The following TMEM132B variants were observed in gnomAD, a reference collection of about 807,000 sequenced individuals.
The protein encoded by TMEM132B is transmembrane protein 132B.
Under a neutral mutation model 90.8 loss-of-function variants are expected in TMEM132B, and 18 were observed. The observed-to-expected ratio is 0.20, with a 90% CI of 0.14 to 0.29. The LOEUF is 0.29. Ranked by LOEUF, TMEM132B falls within the 10% of genes least tolerant of loss-of-function variation. The pLI is 1.00. For missense variants in TMEM132B, 1,096 were observed against 1,326.8 expected (o/e 0.83, Z 2.70); for synonymous variants, 504 against 523.3 (o/e 0.96, Z 0.50).
At chr12:125,435,489 C>A (rs1880673895) in intron 3 of TMEM132B, among the ~76,000 whole-genome samples, 1 of 152,158 alleles carries the variant, frequency 6.6e-6, no homozygotes. Context: ...GACATACCAG[C>A]CCCAGCATCC....
intron 3 of TMEM132B, among the ~76,000 whole-genome samples, chr12:125,519,086 G>A (rs573155918): frequency 2.6e-5 from 4 of 152,324 alleles, no homozygotes. Context: ...AATGGCTTGG[G>A]GGCCTTTCCT....
chr12:125,651,502 A>G (rs1257489454), intron 7 of TMEM132B, among the ~76,000 whole-genome samples: 1 of 152,258 alleles, frequency 6.6e-6, no homozygotes, highest in African/African-American at 2.4e-5. Flanking sequence ...TACAAACTTA[A>G]AATGTTTCCG....
chr12:125,310,450 C>T (rs574156430), intron 1 of TMEM132B, among the ~76,000 whole-genome samples: 1 of 152,318 alleles, frequency 6.6e-6, no homozygotes, highest in South Asian at 2.1e-4. Context: ...TCCCATTTTA[C>T]AGTTGAGGAA....
chr12:125,295,534 G>GAGAGAC (rs1555237232), intron 1 of TMEM132B, among the ~76,000 whole-genome samples: 16 of 124,910 alleles, frequency 1.3e-4, no homozygotes, highest in Admixed American at 2.3e-4. Flanking sequence ...GAGAGAGAGA[G>GAGAGAC]AGAGAGAGAC....
At chr12:125,225,496 GT>G (rs1873658689) in intron 1 of TMEM132B, among the ~76,000 whole-genome samples, 1 of 152,200 alleles carries the variant, frequency 6.6e-6, no homozygotes, top group South Asian at 2.1e-4. Flanking sequence ...ATTTCTGGCT[GT>G]GCTATGCCTT....
At chr12:125,291,033 C>T (rs1055922709) in intron 1 of TMEM132B, among the ~76,000 whole-genome samples, 2 of 152,184 alleles carry the variant, frequency 1.3e-5, no homozygotes, top group African/African-American at 4.8e-5. Flanking sequence ...CCAGCCAATT[C>T]ATACGTTGAA....
chr12:125,222,309 A>G lies in TMEM132B; in HGVS notation c.67+35443A>G, dbSNP rs551901504. On this transcript the variant is annotated intron_variant, in intron 1 of 8. Transcript: ENST00000682704. The stretch of plus-strand genomic sequence containing the variant: ...AGGCAGCAAACAGAAATAAATCAGT[A>G]TAATAAGATTAAAATGATTAAGACA... Among the ~76,000 whole-genome samples the G allele has an allele frequency of 2.6e-5, 4 of 152,336 alleles. No individual in the cohort carries two copies. The East Asian group carries it at 7.7e-4, about 29-fold the overall frequency.
At chr12:125,335,284 G>A (rs867530652) in intron 1 of TMEM132B, among the ~76,000 whole-genome samples, 4 of 152,198 alleles carry the variant, frequency 2.6e-5, no homozygotes, top group South Asian at 2.1e-4. Flanking sequence ...GAAAAATAGA[G>A]ATTTTTTGTT....
intron 1 of TMEM132B, among the ~76,000 whole-genome samples, chr12:125,193,430 A>C (rs1355757532): frequency 6.6e-6 from 1 of 152,220 alleles, no homozygotes; most frequent in Non-Finnish European, 1.5e-5. Context: ...GTTCTAGGGC[A>C]GGTTGGGTGA....
chr12:125,496,890 T>A (rs1474938361), intron 3 of TMEM132B, among the ~76,000 whole-genome samples: 2 of 152,226 alleles, frequency 1.3e-5, no homozygotes, highest in African/African-American at 2.4e-5. Context: ...GTTTCAGTGC[T>A]TTTCATAACA....
chr12:125,644,132 G>A lies in TMEM132B; in HGVS notation c.1494G>A (p.Val498=), dbSNP rs1384091993. The A allele has an allele frequency of 6.2e-7, 1 of 1,614,208 alleles. No homozygotes were observed. The highest frequency in any genetic ancestry group is 1.7e-5 in the Admixed American group (1 of 60,028). ...FVNGKEMKSK[V]DTIVNFTHQH... ...ATGGGAAGGAAATGAAGAGCAAAGT[G>A]GACACGATTGTGAACTTCACCCACC... Residue 498 remains valine, a synonymous_variant, in exon 6 of 9, where the codon GTG becomes GTA. Coordinates refer to ENST00000682704, the MANE Select transcript of TMEM132B (RefSeq NM_001366854.1).
At position 125,415,808 on chromosome 12, in the gene TMEM132B, C is replaced by T. The variant is rs927327371; in HGVS notation, c.1106+131C>T. On this transcript the variant is annotated intron_variant, in intron 3 of 8. Transcript: ENST00000682704. This position sits in a 1 kb window ranked among gnomAD's most constrained non-coding sequence, Gnocchi z 5.3. ...TTTAATGAGAAATGATTTTTGAGGT[C>T]GGCAGTCTCAAAAATCACCAGAGTT... 1.1e-5 allele frequency: 14 copies of T among 1,225,138 alleles called. No individual in the cohort carries two copies. The highest frequency in any genetic ancestry group is 8.5e-5 in the East Asian group (3 of 35,398). 75.9% of individuals were successfully genotyped at this position (1,225,138 alleles called of 1,614,324 possible).
Position 125,408,960 on chromosome 12 carries a change from T to C in TMEM132B, c.960-6571T>C, listed in dbSNP as rs1443361486. On this transcript the variant is annotated intron_variant, in intron 2 of 8. Coordinates refer to ENST00000682704, the MANE Select transcript of TMEM132B (RefSeq NM_001366854.1). This position sits in a 1 kb window ranked among gnomAD's most constrained non-coding sequence, Gnocchi z 5.9. The stretch of plus-strand genomic sequence containing the variant: ...TACTGCACAAGGGGATACACCAGAG[T>C]GGATTGTTAATAATAATAGTGATAA... Among the ~76,000 whole-genome samples, 1 of 152,082 alleles carries C rather than the reference T, an allele frequency of 6.6e-6. No homozygotes were observed. The highest frequency in any genetic ancestry group is 6.5e-5 in the Admixed American group (1 of 15,272).
At chr12:125,218,168 G>GCCT (rs1873480757) in intron 1 of TMEM132B, among the ~76,000 whole-genome samples, 1 of 152,128 alleles carries the variant, frequency 6.6e-6, no homozygotes, top group African/African-American at 2.4e-5. Context: ...GGGGAGTTGG[G>GCCT]TACCTTCTGG....
At chr12:125,562,734 T>G (rs919075291) in intron 4 of TMEM132B, among the ~76,000 whole-genome samples, 3 of 152,264 alleles carry the variant, frequency 2.0e-5, no homozygotes, top group South Asian at 2.1e-4. Flanking sequence ...TCTCATGAGA[T>G]CTGATGGTTC....
At chr12:125,553,821 A>G (rs1314033715) in intron 4 of TMEM132B, among the ~76,000 whole-genome samples, 3 of 152,236 alleles carry the variant, frequency 2.0e-5, no homozygotes, top group Non-Finnish European at 2.9e-5. Flanking sequence ...AGGCAACAGC[A>G]TCCAAATGTA....
intron 3 of TMEM132B, among the ~76,000 whole-genome samples, chr12:125,454,785 A>C (rs1881248128): frequency 6.6e-6 from 1 of 152,230 alleles, no homozygotes; most frequent in Non-Finnish European, 1.5e-5. Flanking sequence ...AGTGGATATG[A>C]TGCCTCGCTT....
chr12:125,238,388 C>CAAAAAAAAAAAAAG (rs1259157470), intron 1 of TMEM132B, among the ~76,000 whole-genome samples: 1 of 105,220 alleles, frequency 9.5e-6, no homozygotes, highest in Non-Finnish European at 2.0e-5. Flanking sequence ...AAAAAAAAAC[C>CAAAAAAAAAAAAAG]AAAAAAACAA....
intron 4 of TMEM132B, among the ~76,000 whole-genome samples, chr12:125,528,491 A>C (rs1194243185): frequency 6.6e-6 from 1 of 152,204 alleles, no homozygotes; most frequent in Non-Finnish European, 1.5e-5. Flanking sequence ...GCCTGGACAC[A>C]AATACTTCTT....
Sources: allele counts gnomAD v4.1 joint callset (sites outside exome capture counted in the v4.1 genomes callset), GRCh38; gene constraint gnomAD v4.1.1; non-coding constraint Gnocchi (gnomAD v3.1); transcripts MANE v1.5; gene names NCBI Gene and HGNC (gene_info 2026-07-23, HGNC 2026-07-21).